The following HMCN2 variants were observed in gnomAD, a reference collection of about 807,000 sequenced individuals.
HMCN2 encodes hemicentin-2.
Under a neutral mutation model 377.5 loss-of-function variants are expected in HMCN2, and 325 were observed. The ratio of observed to expected loss-of-function variants is 0.86; its 90% CI spans 0.79 to 0.94. The LOEUF is 0.94. Among genes scored for constraint, HMCN2 ranks in the 40% least tolerant of loss-of-function variants. The pLI, the probability that HMCN2 is intolerant of heterozygous loss-of-function variation, is 0.00. For missense variants in HMCN2, 4,543 were observed against 4,725.3 expected, an observed-to-expected ratio of 0.96 and a Z score of 1.13; for synonymous variants, 2,007 against 2,046.8, an observed-to-expected ratio of 0.98 and a Z score of 0.53.
chr9:130,351,640 C>A lies in HMCN2; in HGVS notation c.4585+63C>A. 8.0e-7 allele frequency: 1 copy of A among 1,250,818 alleles called. No individual in the cohort carries two copies. The highest frequency in any genetic ancestry group is 1.0e-6 in the Non-Finnish European group (1 of 953,820). The allele number at this position is 1,250,818 out of a possible 1,614,324, so 77.5% of individuals were successfully genotyped here. A position where few individuals can be genotyped will look rare whatever the true frequency, so the allele number is the denominator to read the frequency against. ...ACTCAGGAAGCTTCCCACCCAGCTG[C>A]CCGCTGCCTTAGAGGGAGAGTGAGG... On this transcript the variant is annotated intron_variant, in intron 30 of 97. Coordinates refer to ENST00000683500, the MANE Select transcript of HMCN2 (RefSeq NM_001291815.2). The surrounding 1 kb of genome is among the most constrained non-coding windows in gnomAD (Gnocchi z 5.4).
chr9:130,269,767 G>A (rs1295216218), intron 1 of HMCN2, among the ~76,000 whole-genome samples: 1 of 141,896 alleles, frequency 7.0e-6, no homozygotes, highest in Non-Finnish European at 1.6e-5. Context: ...GTTGGAATGA[G>A]GACCTTATGT....
intron 90 of HMCN2, 87 bp downstream of exon 90, chr9:130,426,011 T>G: frequency 1.0e-6 from 1 of 961,530 alleles, no homozygotes; most frequent in Non-Finnish European, 1.6e-6. Context: ...AATCCACCCC[T>G]GCCCCTAACA....
rs1307617893 is a variant in HMCN2, at chr9:130,351,072, C to T, written c.4431-351C>T. Among the ~76,000 whole-genome samples the T allele has an allele frequency of 6.6e-6, 1 of 152,212 alleles. No individual in the cohort carries two copies. The highest frequency in any genetic ancestry group is 2.4e-5 in the African/African-American group (1 of 41,448). ...CCAGCCCCTGGCAACCACAAGCCTG[C>T]TTTCCTTCTCTATGGACGTGCCTGT... On this transcript the variant is annotated intron_variant, in intron 29 of 97. Coordinates refer to ENST00000683500, the MANE Select transcript of HMCN2 (RefSeq NM_001291815.2). The surrounding 1 kb of genome is among the most constrained non-coding windows in gnomAD (Gnocchi z 5.4).
chr9:130,431,154 T>C (rs1844724586), intron 95 of HMCN2: 5 of 594,794 alleles, frequency 8.4e-6, no homozygotes, highest in Middle Eastern at 4.5e-4. Context: ...TATGCCTTGG[T>C]GAGCACGGGG....
intron 40 of HMCN2, among the ~76,000 whole-genome samples, chr9:130,363,206 T>G (rs1032881486): frequency 5.9e-5 from 9 of 152,158 alleles, no homozygotes; most frequent in Non-Finnish European, 1.2e-4. Context: ...TGGCCCCGCA[T>G]AGCCAGGAGC....
intron 25 of HMCN2, among the ~76,000 whole-genome samples, chr9:130,344,928 T>C (rs1414902408): frequency 6.8e-6 from 1 of 146,144 alleles, no homozygotes; most frequent in Non-Finnish European, 1.5e-5. Flanking sequence ...GTGTTTGGCA[T>C]GTATGTTGTG....
In HMCN2 at chr9:130,369,465, C is replaced by T. The variant is rs1206906642; in HGVS notation, c.6788-105C>T. Reference sequence around the variant, plus strand: ...TGAGGTCACGAGGTCACACAGCCAGCGATGGCAAGGGGAGAGGGTGTGTCC... The same window carrying T: ...TGAGGTCACGAGGTCACACAGCCAGTGATGGCAAGGGGAGAGGGTGTGTCC... On this transcript the variant is annotated intron_variant, in intron 44 of 97. Coordinates refer to ENST00000683500, the MANE Select transcript of HMCN2 (RefSeq NM_001291815.2). The surrounding 1 kb of genome is among the most constrained non-coding windows in gnomAD (Gnocchi z 4.5). 12 of 601,360 alleles carry T rather than the reference C, an allele frequency of 2.0e-5. No individual in the cohort carries two copies. Among genetic ancestry groups the T allele is most frequent in the African/African-American group, 8.0e-5 (4 of 49,776 alleles). The allele number at this position is 601,360 out of a possible 1,614,324, so 37.3% of individuals were successfully genotyped here.
At chr9:130,339,764 A>C (rs1351115298) in intron 23 of HMCN2, among the ~76,000 whole-genome samples, 1 of 152,246 alleles carries the variant, frequency 6.6e-6, no homozygotes, top group East Asian at 1.9e-4. Context: ...CTGGGCACCC[A>C]GGCCCTGGGC....
intron 22 of HMCN2, among the ~76,000 whole-genome samples, chr9:130,334,556 T>G (rs1300727931): frequency 1.3e-5 from 2 of 150,362 alleles, no homozygotes; most frequent in African/African-American, 2.4e-5. Context: ...GAAGTTTTTT[T>G]TTTTTTTTTT....
chr9:130,432,155 C>T (rs1453727659), intron 96 of HMCN2, among the ~76,000 whole-genome samples: 1 of 152,212 alleles, frequency 6.6e-6, no homozygotes, highest in African/African-American at 2.4e-5. Flanking sequence ...CAGGGAAAGC[C>T]CCATCTCTCC....
At chr9:130,281,141 T>TTTTGTTTTGC (rs1184853685) in intron 1 of HMCN2, among the ~76,000 whole-genome samples, 8 of 152,028 alleles carry the variant, frequency 5.3e-5, no homozygotes, top group African/African-American at 1.9e-4. Flanking sequence ...CCCTTCCCTT[T>TTTTGTTTTGC]TTTGTTTTGC....
intron 80 of HMCN2, 33 bp downstream of exon 80, chr9:130,403,908 G>A (rs1310955736): frequency 1.1e-5 from 14 of 1,278,760 alleles, no homozygotes; most frequent in Non-Finnish European, 1.3e-5. Flanking sequence ...GGTGGGCCCT[G>A]GCAACTGAGG....
chr9:130,416,982 G>A (rs917834586), intron 85 of HMCN2, among the ~76,000 whole-genome samples: 1 of 151,584 alleles, frequency 6.6e-6, no homozygotes, highest in Non-Finnish European at 1.5e-5. Flanking sequence ...GCGCAATCTC[G>A]GCTACTGTAA....
At chr9:130,266,333 C>T (rs1471161657) in intron 1 of HMCN2, among the ~76,000 whole-genome samples, 196 bp downstream of exon 1, 6 of 152,106 alleles carry the variant, frequency 3.9e-5, no homozygotes, top group Admixed American at 2.0e-4. Flanking sequence ...TTCCCTCCCA[C>T]CCCCCTGGAA....
intron 77 of HMCN2, among the ~76,000 whole-genome samples, chr9:130,401,699 T>G (rs929457101): frequency 6.6e-6 from 1 of 152,324 alleles, no homozygotes. Flanking sequence ...TCCAAATTTA[T>G]TTGTTAGTTC....
chr9:130,396,368 T>C, intron 73 of HMCN2, 55 bp downstream of exon 73: 3 of 1,226,000 alleles, frequency 2.4e-6, no homozygotes, highest in Non-Finnish European at 3.2e-6. Flanking sequence ...ACTTTGTGGG[T>C]TGCAAATCAA....
chr9:130,383,146 C>A (rs1054400135), intron 56 of HMCN2, among the ~76,000 whole-genome samples: 4 of 152,088 alleles, frequency 2.6e-5, no homozygotes, highest in Non-Finnish European at 4.4e-5. Context: ...CACCAGCTGG[C>A]GCGTGCAGAG....
At chr9:130,270,964 G>T (rs1819106834) in intron 1 of HMCN2, among the ~76,000 whole-genome samples, 1 of 149,018 alleles carries the variant, frequency 6.7e-6, no homozygotes, top group East Asian at 1.9e-4. Flanking sequence ...TCCTCAGGTT[G>T]TGAGTTTCTC....
At chr9:130,430,665 G>A (rs1279404489) in intron 95 of HMCN2, 61 bp downstream of exon 95, 41 of 1,459,362 alleles carry the variant, frequency 2.8e-5, no homozygotes, top group Non-Finnish European at 3.6e-5. Flanking sequence ...GGCCCCTAGG[G>A]TGGGTGTGCA....
Sources: allele counts gnomAD v4.1 joint callset (sites outside exome capture counted in the v4.1 genomes callset), GRCh38; gene constraint gnomAD v4.1.1; non-coding constraint Gnocchi (gnomAD v3.1); transcripts MANE v1.5; gene names NCBI Gene and HGNC (gene_info 2026-07-23, HGNC 2026-07-21).